MAGI2: variants seen among roughly 807,000 people sequenced by gnomAD.
MAGI2 encodes the protein membrane associated guanylate kinase, WW and PDZ domain containing 2, also known as membrane-associated guanylate kinase, WW and PDZ domain-containing protein 2.
A neutral mutation model predicts 133.3 loss-of-function variants in MAGI2; 35 were observed. The observed-to-expected ratio is 0.26, with a 90% CI of 0.20 to 0.35. The LOEUF is 0.35. MAGI2 is among the 10% of genes least tolerant of loss of function. MAGI2 has a pLI of 1.00. For missense variants in MAGI2, 1,636 were observed against 1,863.4 expected, an observed-to-expected ratio of 0.88 and a Z score of 2.25; for synonymous variants, 729 against 710.6, an observed-to-expected ratio of 1.03 and a Z score of -0.41.
chr7:79,344,891 A>G (rs1841194140), intron 1 of MAGI2, among the ~76,000 whole-genome samples: 1 of 152,078 alleles, frequency 6.6e-6, no homozygotes, highest in African/African-American at 2.4e-5. Context: ...CCCCAATAGT[A>G]GCGCTTGGGT....
At chr7:79,417,579 C>G (rs1011938296) in intron 1 of MAGI2, among the ~76,000 whole-genome samples, 1 of 152,042 alleles carries the variant, frequency 6.6e-6, no homozygotes, top group African/African-American at 2.4e-5. Context: ...TCTATGTTAT[C>G]TTAGACTGAA....
At position 78,461,393 on chromosome 7, in the gene MAGI2, C is replaced by CGTGTGT. The variant is rs10654835; in HGVS notation, c.1045+28362_1045+28367dup. 8.8e-3 allele frequency among the ~76,000 whole-genome samples: 1,211 copies of CGTGTGT among 138,102 alleles called. 21 individuals carry two copies. The highest frequency in any genetic ancestry group is 0.024 in the African/African-American group (913 of 38,238). 90.6% of individuals were successfully genotyped at this position (138,102 alleles called of 152,430 possible). A position where few individuals can be genotyped will look rare whatever the true frequency, so the allele number is the denominator to read the frequency against. On this transcript the variant is annotated intron_variant, in intron 6 of 21. Coordinates refer to ENST00000354212, the MANE Select transcript of MAGI2 (RefSeq NM_012301.4). The stretch of plus-strand genomic sequence containing the variant: ...ATAGATTCCTGGACACGTGTGTGTG[C>CGTGTGT]GTGTGTGTGTGTGTGTGTGTGTGTG...
chr7:78,408,349 C>T (rs1797576890), intron 6 of MAGI2, among the ~76,000 whole-genome samples: 1 of 151,918 alleles, frequency 6.6e-6, no homozygotes, highest in Admixed American at 6.6e-5. Context: ...TTATCTGTTT[C>T]CAAGCAATTA....
intron 6 of MAGI2, among the ~76,000 whole-genome samples, chr7:78,399,730 G>T (rs1175553389): frequency 6.6e-6 from 1 of 151,248 alleles, no homozygotes; most frequent in African/African-American, 2.4e-5. Context: ...ATTTGAACCT[G>T]GGAGGTGGAG....
intron 3 of MAGI2, among the ~76,000 whole-genome samples, chr7:78,559,796 A>T (rs1424614332): frequency 6.6e-6 from 1 of 152,184 alleles, no homozygotes; most frequent in Non-Finnish European, 1.5e-5. Flanking sequence ...AATTTTTGAT[A>T]AAACTGATAT....
chr7:78,667,388 A>T (rs1235031553), intron 2 of MAGI2, among the ~76,000 whole-genome samples: 190 of 149,132 alleles, frequency 1.3e-3, no homozygotes, highest in African/African-American at 4.5e-3. Flanking sequence ...TAATTTTTTA[A>T]AAAATTTTAT....
At chr7:78,652,223 G>C (rs1811653026) in intron 2 of MAGI2, among the ~76,000 whole-genome samples, 1 of 152,152 alleles carries the variant, frequency 6.6e-6, no homozygotes, top group Admixed American at 6.5e-5. Flanking sequence ...CCAGTCTCAA[G>C]TGATTTCCTC....
intron 1 of MAGI2, among the ~76,000 whole-genome samples, chr7:79,395,527 G>T (rs968635692): frequency 6.6e-6 from 1 of 152,084 alleles, no homozygotes; most frequent in Non-Finnish European, 1.5e-5. Flanking sequence ...CTTCCAGAGA[G>T]CCCCAGAGAG....
intron 2 of MAGI2, among the ~76,000 whole-genome samples, chr7:78,837,067 A>G (rs1387655568): frequency 6.6e-6 from 1 of 152,080 alleles, no homozygotes; most frequent in Non-Finnish European, 1.5e-5. Flanking sequence ...GGTGGACATT[A>G]TTGTTACTTC....
rs372937310 is a variant in MAGI2 at position 78,461,157 on chromosome 7, T to C, written c.1045+28604A>G. On this transcript the variant is annotated intron_variant, in intron 6 of 21. Coordinates refer to ENST00000354212, the MANE Select transcript of MAGI2 (RefSeq NM_012301.4). ...CATTCTATGTCAGTTTATCCAGTTATTGTTTTAACATTCAATATATATTTG... is the reference window on the plus strand; with the variant it reads ...CATTCTATGTCAGTTTATCCAGTTACTGTTTTAACATTCAATATATATTTG... 2.2e-4 allele frequency among the ~76,000 whole-genome samples: 33 copies of C among 152,310 alleles called. 1 individual carries two copies. The highest frequency in any genetic ancestry group is 7.7e-4 in the African/African-American group (32 of 41,544).
intron 1 of MAGI2, among the ~76,000 whole-genome samples, chr7:79,351,544 A>G (rs6466609): frequency 0.022 from 3,306 of 152,316 alleles, 134 homozygotes; most frequent in African/African-American, 0.075. Flanking sequence ...GTATAATTCC[A>G]TAACTACTAC....
chr7:78,804,748 C>CAAAAAA lies in MAGI2; in HGVS notation c.419-177515_419-177510dup, dbSNP rs373472835. Among the ~76,000 whole-genome samples the CAAAAAA allele has an allele frequency of 3.9e-3, 380 of 97,610 alleles. 6 individuals carry two copies. Among genetic ancestry groups the CAAAAAA allele is most frequent in the African/African-American group, 0.014 (292 of 21,112 alleles). The allele number at this position is 97,610 out of a possible 152,430, so 64.0% of individuals were successfully genotyped here. A position where few individuals can be genotyped will look rare whatever the true frequency, so the allele number is the denominator to read the frequency against. On this transcript the variant is annotated intron_variant, in intron 2 of 21. Transcript: ENST00000354212. Reference sequence around the variant, plus strand: ...TGGGCAACAGAGCGAGACTCTGTCTCAAAAAAAAAAAAAAAAAAAAAAAAC... The same window carrying CAAAAAA: ...TGGGCAACAGAGCGAGACTCTGTCTCAAAAAAAAAAAAAAAAAAAAAAAAAAAAAAC...
At chr7:78,338,630 G>A (rs1027594972) in intron 9 of MAGI2, among the ~76,000 whole-genome samples, 1 of 152,148 alleles carries the variant, frequency 6.6e-6, no homozygotes, top group African/African-American at 2.4e-5. Flanking sequence ...GAATTGAACT[G>A]AAGAGCCATT....
intron 2 of MAGI2, among the ~76,000 whole-genome samples, chr7:78,764,117 T>A (rs987961067): frequency 6.6e-6 from 1 of 152,158 alleles, no homozygotes; most frequent in African/African-American, 2.4e-5. Context: ...GAACTTAAGG[T>A]TTCTAAAAAG....
chr7:78,288,055 G>A (rs1221970621), intron 9 of MAGI2, among the ~76,000 whole-genome samples: 1 of 152,164 alleles, frequency 6.6e-6, no homozygotes, highest in Non-Finnish European at 1.5e-5. Flanking sequence ...AAATAAATGT[G>A]CAAGATAAAT....
At chr7:78,600,063 T>C (rs574127885) in intron 3 of MAGI2, among the ~76,000 whole-genome samples, 2 of 152,294 alleles carry the variant, frequency 1.3e-5, no homozygotes, top group Non-Finnish European at 2.9e-5. Flanking sequence ...TTGTTCTTGG[T>C]CTTTTTTTCT....
chr7:78,077,459 A>T (rs954646632), intron 21 of MAGI2, among the ~76,000 whole-genome samples: 1 of 151,492 alleles, frequency 6.6e-6, no homozygotes, highest in Non-Finnish European at 1.5e-5. Context: ...AAGGGTAGGA[A>T]TCTGGAATGA....
intron 2 of MAGI2, among the ~76,000 whole-genome samples, chr7:79,005,561 T>A (rs1483450049): frequency 2.0e-5 from 3 of 152,200 alleles, no homozygotes; most frequent in African/African-American, 4.8e-5. Flanking sequence ...ATTTATGTCA[T>A]CGCCTTAGCA....
chr7:79,330,500 A>G (rs1379580536), intron 1 of MAGI2, among the ~76,000 whole-genome samples: 1 of 151,940 alleles, frequency 6.6e-6, no homozygotes, highest in Admixed American at 6.6e-5. Context: ...CGGCCCAAAT[A>G]ATCTGCATCT....
Sources: gnomAD v4.1 joint callset for allele counts (sites outside exome capture counted in the v4.1 genomes callset) on GRCh38, gnomAD v4.1.1 for gene constraint, MANE v1.5 for transcripts, NCBI Gene and HGNC (gene_info 2026-07-23, HGNC 2026-07-21) for gene names.